The following ATP2A2 variants were observed in gnomAD, a reference collection of about 807,000 sequenced individuals.
The protein encoded by ATP2A2 is sarcoplasmic/endoplasmic reticulum calcium ATPase 2.
ATP2A2 carries 14 observed loss-of-function variants against 109.3 expected under a neutral mutation model. The observed-to-expected ratio is 0.13, with a 90% CI of 0.08 to 0.20. ATP2A2 has a LOEUF of 0.20. Ranked by LOEUF, ATP2A2 falls within the 10% of genes least tolerant of loss-of-function variation. ATP2A2 has a pLI of 1.00. For missense variants in ATP2A2, 657 were observed against 1,321.6 expected (o/e 0.50, Z 7.80); for synonymous variants, 506 against 490.9 (o/e 1.03, Z -0.41).
At chr12:110,315,218 T>G (rs897978989) in intron 5 of ATP2A2, among the ~76,000 whole-genome samples, 1 of 152,172 alleles carries the variant, frequency 6.6e-6, no homozygotes, top group African/African-American at 2.4e-5. Context: ...AAGAATGGTG[T>G]TTGACCTTTT....
intron 4 of ATP2A2, among the ~76,000 whole-genome samples, chr12:110,295,789 A>G (rs1417747239): frequency 1.3e-5 from 2 of 152,192 alleles, no homozygotes; most frequent in Non-Finnish European, 2.9e-5. Flanking sequence ...ATATGATGTC[A>G]TGAGAAATAT....
chr12:110,339,703 C>A lies in ATP2A2; in HGVS notation c.1743C>A (p.Ala581=), dbSNP rs886310930. The A allele has an allele frequency of 5.6e-6, 9 of 1,613,876 alleles. No individual in the cohort carries two copies. In the African/African-American group the frequency reaches 9.3e-5, roughly 17 times the overall value. The change falls in exon 13 of 20, where the codon GCC becomes GCA. Residue 581 remains alanine (A), a synonymous_variant. Coordinates refer to ENST00000539276, the MANE Select transcript of ATP2A2 (RefSeq NM_170665.4). The surrounding 1 kb of genome is among the most constrained non-coding windows in gnomAD (Gnocchi z 4.4). ...AAGAAATGCACCTTGAGGACTCTGC[C>A]AACTTTATTAAATATGAGGTTAGCT... ...RREEMHLEDS[A]NFIKYETNLT... is the part of the protein sequence containing the mutation.
intron 11 of ATP2A2, among the ~76,000 whole-genome samples, chr12:110,335,020 A>G (rs765161130): frequency 1.8e-4 from 27 of 152,324 alleles, no homozygotes; most frequent in Middle Eastern, 3.4e-3. Context: ...CTGAACAAAT[A>G]AGTGGCCTCT....
intron 5 of ATP2A2, among the ~76,000 whole-genome samples, chr12:110,313,641 A>G (rs1432872286): frequency 2.6e-5 from 4 of 151,292 alleles, no homozygotes; most frequent in Admixed American, 2.6e-4. Flanking sequence ...CTAAGCATTA[A>G]CACCAAACCA....
Position 110,299,739 on chromosome 12 carries a change from TCTC to T in ATP2A2, c.463+3005_463+3007del, listed in dbSNP as rs1385938075. On this transcript the variant is annotated intron_variant, in intron 5 of 19. Transcript: ENST00000539276. Reference sequence around the variant, plus strand: ...GGCTCAAGTGATTCTCCCACCTCAGTCTCCTGAAAAACTGGGATCACAGGCATG... The same window carrying T: ...GGCTCAAGTGATTCTCCCACCTCAGTCTGAAAAACTGGGATCACAGGCATG... Among the ~76,000 whole-genome samples the T allele has an allele frequency of 2.0e-5, 3 of 151,920 alleles. No individual in the cohort carries two copies. The East Asian group carries it at 5.8e-4, about 29-fold the overall frequency.
At chr12:110,286,943 C>T (rs935021638) in intron 3 of ATP2A2, among the ~76,000 whole-genome samples, 3 of 151,908 alleles carry the variant, frequency 2.0e-5, no homozygotes, top group Non-Finnish European at 4.4e-5. Context: ...TGCTTTTTAC[C>T]TTGGATTAAA....
chr12:110,318,011 A>C (rs988198257), intron 5 of ATP2A2, among the ~76,000 whole-genome samples: 1 of 152,240 alleles, frequency 6.6e-6, no homozygotes, highest in Non-Finnish European at 1.5e-5. Context: ...GGAAGAAAAA[A>C]TTGCAGAGCA....
In ATP2A2 at chr12:110,351,007, T is replaced by C. The variant is rs888040087; in HGVS notation, c.*4537T>C. On this transcript the variant is annotated 3_prime_UTR_variant, in exon 20 of 20. Coordinates refer to ENST00000539276, the MANE Select transcript of ATP2A2 (RefSeq NM_170665.4). ...CGCATGTTTGACTTTAGACTGTAAA[T>C]AGAGATCAGTTTGTTTCTTTCTGTG... The C allele has an allele frequency of 6.5e-6, 1 of 152,704 alleles. No individual in the cohort carries two copies. The highest frequency in any genetic ancestry group is 1.5e-5 in the Non-Finnish European group (1 of 68,388). The allele number at this position is 152,704 out of a possible 1,614,324, so 9.5% of individuals were successfully genotyped here.
At chr12:110,345,411 C>T (rs372333547) in intron 18 of ATP2A2, 29 bp downstream of exon 18, 117 of 1,613,862 alleles carry the variant, frequency 7.2e-5, no homozygotes, top group Admixed American at 2.5e-4. Flanking sequence ...CAGGCTGAGG[C>T]GAGCATGGTG....
chr12:110,313,647 A>T (rs1273352503), intron 5 of ATP2A2, among the ~76,000 whole-genome samples: 3 of 151,128 alleles, frequency 2.0e-5, no homozygotes, highest in Non-Finnish European at 4.4e-5. Flanking sequence ...ATTAACACCA[A>T]ACCACCTAGA....
At chr12:110,324,917 A>C (rs541744327) in intron 6 of ATP2A2, among the ~76,000 whole-genome samples, 1 of 151,784 alleles carries the variant, frequency 6.6e-6, no homozygotes, top group East Asian at 1.9e-4. Context: ...CCGGGGTTCA[A>C]GTAATTCTCA....
Position 110,327,764 on chromosome 12 carries a change from AC to A in ATP2A2, c.845del (p.Pro282ArgfsTer23), listed in dbSNP as rs1369165604. 6.2e-7 allele frequency: 1 copy of A among 1,614,104 alleles called. No homozygotes were observed. The highest frequency in any genetic ancestry group is 8.5e-7 in the Non-Finnish European group (1 of 1,180,006). On this transcript the variant is annotated frameshift_variant, in exon 8 of 20. Coordinates refer to ENST00000539276, the MANE Select transcript of ATP2A2 (RefSeq NM_170665.4). LOFTEE classifies it high-confidence loss of function. The surrounding 1 kb of genome is among the most constrained non-coding windows in gnomAD (Gnocchi z 4.4). ...ATCATAAATATTGGGCACTTCAATG[AC>A]CCGGTTCATGGAGGGTCCTGGATCA... ...VWIINIGHFN[D>X]PVHGGSWIRG...
At position 110,340,580 on chromosome 12, in the gene ATP2A2, G is replaced by A; in HGVS notation, c.1762-79G>A. On this transcript the variant is annotated intron_variant, in intron 13 of 19. Coordinates refer to ENST00000539276, the MANE Select transcript of ATP2A2 (RefSeq NM_170665.4). This position sits in a 1 kb window ranked among gnomAD's most constrained non-coding sequence, Gnocchi z 6.0. Reference sequence around the variant, plus strand: ...AAAAAATGCAGAAACCTGTCTCAATGTTTAACTGGGCATTTTTCAAACTAG... The same window carrying A: ...AAAAAATGCAGAAACCTGTCTCAATATTTAACTGGGCATTTTTCAAACTAG... The A allele has an allele frequency of 2.8e-6, 4 of 1,432,640 alleles. No homozygotes were observed. The South Asian group carries it at 3.5e-5, about 13-fold the overall frequency. 88.7% of individuals were successfully genotyped at this position (1,432,640 alleles called of 1,614,324 possible).
rs1879908307 is a variant in ATP2A2, at chr12:110,346,778, G to T, written c.*308G>T. Reference sequence around the variant, plus strand: ...TCATCCTTGTATAAAAAAAATAGTTGAGCCAGCAGACATTGTCAGCAAATT... The same window carrying T: ...TCATCCTTGTATAAAAAAAATAGTTTAGCCAGCAGACATTGTCAGCAAATT... On this transcript the variant is annotated 3_prime_UTR_variant, in exon 20 of 20. Coordinates refer to ENST00000539276, the MANE Select transcript of ATP2A2 (RefSeq NM_170665.4). The T allele has an allele frequency of 8.6e-7, 1 of 1,168,924 alleles. No homozygotes were observed. Among genetic ancestry groups the T allele is most frequent in the Admixed American group, 4.5e-5 (1 of 22,274 alleles). The allele number at this position is 1,168,924 out of a possible 1,614,324, so 72.4% of individuals were successfully genotyped here. A position where few individuals can be genotyped will look rare whatever the true frequency, so the allele number is the denominator to read the frequency against.
In ATP2A2 at chr12:110,350,123, C is replaced by A; in HGVS notation, c.*3653C>A. 1 of 1,506,268 alleles carries A rather than the reference C, an allele frequency of 6.6e-7. No homozygotes were observed. Among genetic ancestry groups the A allele is most frequent in the Admixed American group, 2.1e-5 (1 of 48,286 alleles). 93.3% of individuals were successfully genotyped at this position (1,506,268 alleles called of 1,614,324 possible). On this transcript the variant is annotated 3_prime_UTR_variant, in exon 20 of 20. Coordinates refer to ENST00000539276, the MANE Select transcript of ATP2A2 (RefSeq NM_170665.4). ...GCTTCTAGATGCTACCCTGTGTGGG[C>A]GGCACCTCAGGGACAGTAAATCAGA...
In ATP2A2 at chr12:110,285,992, C is replaced by T. The variant is rs532976076; in HGVS notation, c.219+3197C>T. Among the ~76,000 whole-genome samples the T allele has an allele frequency of 3.3e-5, 5 of 150,210 alleles. No homozygotes were observed. In the South Asian group the frequency reaches 6.3e-4, roughly 19 times the overall value. On this transcript the variant is annotated intron_variant, in intron 3 of 19. Coordinates refer to ENST00000539276, the MANE Select transcript of ATP2A2 (RefSeq NM_170665.4). ...GGGCTGGAGCGCAGTGGTGCAATCT[C>T]GGCTCACTGCAACCTCCACCTCCTG...
chr12:110,345,129 G>A, intron 17 of ATP2A2, 120 bp from the exon 18 acceptor site: 1 of 1,539,838 alleles, frequency 6.5e-7, no homozygotes, highest in Non-Finnish European at 9.0e-7. Flanking sequence ...CGAGAAATTG[G>A]GGTAAACCTC....
chr12:110,334,574 G>A (rs921444975), intron 11 of ATP2A2, among the ~76,000 whole-genome samples: 1 of 139,456 alleles, frequency 7.2e-6, no homozygotes, highest in African/African-American at 2.7e-5. Flanking sequence ...TTCTTTTCCT[G>A]TTCAATTAAA....
intron 5 of ATP2A2, among the ~76,000 whole-genome samples, chr12:110,299,862 C>G (rs1263389450): frequency 6.6e-6 from 1 of 152,156 alleles, no homozygotes; most frequent in Non-Finnish European, 1.5e-5. Context: ...TGGGCTCAGG[C>G]AGTCCTGCCT....
Sources: gnomAD v4.1 joint callset for allele counts (sites outside exome capture counted in the v4.1 genomes callset) on GRCh38, gnomAD v4.1.1 for gene constraint, Gnocchi (gnomAD v3.1) non-coding constraint, MANE v1.5 for transcripts, NCBI Gene and HGNC (gene_info 2026-07-23, HGNC 2026-07-21) for gene names.